Variants in EEA1 observed in about 807,000 individuals in gnomAD.
EEA1 encodes early endosome antigen 1, 162kD.
In EEA1, 111 loss-of-function variants were observed where a neutral mutation model predicts 209.2. The observed-to-expected ratio is 0.53, with a 90% confidence interval of 0.45 to 0.62. The LOEUF is 0.62. Among genes scored for constraint, EEA1 ranks in the 20% least tolerant of loss-of-function variants. The pLI is 0.00. For missense variants in EEA1, 1,343 were observed against 1,530.8 expected, an observed-to-expected ratio of 0.88 and a Z score of 2.05; for synonymous variants, 536 against 540.6, an observed-to-expected ratio of 0.99 and a Z score of 0.12.
intron 1 of EEA1, among the ~76,000 whole-genome samples, chr12:92,927,134 AT>A (rs2136794949): frequency 6.6e-6 from 1 of 152,256 alleles, no homozygotes; most frequent in East Asian, 1.9e-4. Flanking sequence ...ACCAGAGGCA[AT>A]TTTGCCCCTA....
intron 20 of EEA1, 54 bp downstream of exon 20, chr12:92,801,546 T>C: frequency 8.6e-7 from 1 of 1,166,034 alleles, no homozygotes; most frequent in Non-Finnish European, 1.2e-6. Flanking sequence ...TATTTGAAAA[T>C]ATAAAGACCT....
chr12:92,829,717 T>C (rs1281673070), intron 11 of EEA1, among the ~76,000 whole-genome samples: 2 of 147,576 alleles, frequency 1.4e-5, no homozygotes, highest in African/African-American at 5.1e-5. Flanking sequence ...AAATGGAGGT[T>C]GCAATGAGCC....
chr12:92,861,665 T>A (rs960254288), intron 3 of EEA1, among the ~76,000 whole-genome samples: 6 of 152,122 alleles, frequency 3.9e-5, no homozygotes, highest in Non-Finnish European at 5.9e-5. Context: ...AAGATAGCTC[T>A]ATCTACCTTG....
At chr12:92,788,101 C>T in intron 21 of EEA1, 52 bp from the exon 22 acceptor site, 3 of 1,397,566 alleles carry the variant, frequency 2.1e-6, no homozygotes, top group African/African-American at 1.5e-5. Flanking sequence ...AAACCAATTA[C>T]AAATATAAAG....
rs1230134027 is a variant in EEA1 at position 92,813,021 on chromosome 12, G to A, written c.2002C>T (p.His668Tyr). 23 of 1,600,536 alleles carry A rather than the reference G, an allele frequency of 1.4e-5. No homozygotes were observed. Among genetic ancestry groups the A allele is most frequent in the Non-Finnish European group, 1.9e-5 (22 of 1,170,728 alleles). The change falls in exon 16 of 29, where the codon CAT (histidine) becomes TAT (tyrosine). Residue 668 changes from histidine (H) to tyrosine (Y), a missense_variant. This residue lies in a region of EEA1 where 1,307 missense variants were observed against 1,465.5 expected (regional missense o/e 0.89). Coordinates refer to ENST00000322349, the MANE Select transcript of EEA1 (RefSeq NM_003566.4). ...AATGCATTTTGAGCTGTGTCCAAAT[G>A]ATTCTGAAGATCAGCTCTTTGAGCA... is the stretch of plus-strand genomic sequence containing the variant. ...KTAQRADLQNHLDTAQNALQD... is the reference protein window; with the variant it reads ...KTAQRADLQNYLDTAQNALQD...
chr12:92,879,560 G>T (rs1192922363), intron 2 of EEA1, among the ~76,000 whole-genome samples: 3 of 151,774 alleles, frequency 2.0e-5, no homozygotes, highest in Non-Finnish European at 4.4e-5. Context: ...GGAAAAGAAG[G>T]GAGAGAGGGA....
chr12:92,853,113 TG>T, intron 6 of EEA1, 88 bp from the exon 7 acceptor site: 1 of 857,746 alleles, frequency 1.2e-6, no homozygotes. Context: ...GTTGTAAAGA[TG>T]ATCAACTTAA....
At chr12:92,855,421 G>T (rs1877832632) in intron 5 of EEA1, among the ~76,000 whole-genome samples, 1 of 131,756 alleles carries the variant, frequency 7.6e-6, no homozygotes, top group African/African-American at 3.0e-5. Flanking sequence ...GACAGAGCGA[G>T]ACTCTGTCTC....
chr12:92,841,620 A>G (rs1264867850), intron 10 of EEA1, among the ~76,000 whole-genome samples: 1 of 152,040 alleles, frequency 6.6e-6, no homozygotes, highest in Non-Finnish European at 1.5e-5. Flanking sequence ...CAAGCACATT[A>G]AAAAATGTTC....
At chr12:92,900,453 A>G (rs1880100412) in intron 1 of EEA1, among the ~76,000 whole-genome samples, 1 of 151,588 alleles carries the variant, frequency 6.6e-6, no homozygotes, top group Admixed American at 6.6e-5. Context: ...TTTACATTTA[A>G]TGCCCACAAA....
intron 25 of EEA1, among the ~76,000 whole-genome samples, chr12:92,778,836 T>C (rs945404397): frequency 1.3e-5 from 2 of 152,092 alleles, no homozygotes; most frequent in African/African-American, 4.8e-5. Context: ...CAGATCTACG[T>C]AGTTGTGGGG....
At position 92,857,305 on chromosome 12, in the gene EEA1, T is replaced by C; in HGVS notation, c.336A>G (p.Glu112=). 6.3e-7 allele frequency: 1 copy of C among 1,591,964 alleles called. No homozygotes were observed. Among genetic ancestry groups the C allele is most frequent in the African/African-American group, 1.4e-5 (1 of 73,828 alleles). ...GCTGCAGCCCTTGATATTTTTCTAATTCCTTCTTTAATTCTTCCGAGTACC... is the reference window on the plus strand; with the variant it reads ...GCTGCAGCCCTTGATATTTTTCTAACTCCTTCTTTAATTCTTCCGAGTACC... The part of the protein sequence containing the change: ...EKWYSEELKK[E]LEKYQGLQQQ... The change falls in exon 5 of 29, where the codon GAA becomes GAG. Residue 112 remains glutamate (E), a synonymous_variant. Transcript: ENST00000322349.
At position 92,865,770 on chromosome 12, in the gene EEA1, G is replaced by A. The variant is rs961283518; in HGVS notation, c.118-783C>T. On this transcript the variant is annotated intron_variant, in intron 2 of 28. Coordinates refer to ENST00000322349, the MANE Select transcript of EEA1 (RefSeq NM_003566.4). ...TTTTATTTTATTTTATTTTGAGAAT[G>A]AGTCTCGCTCCGTCACCCAGGCTGA... is the stretch of plus-strand genomic sequence containing the variant. Among the ~76,000 whole-genome samples, 5 of 148,474 alleles carry A rather than the reference G, an allele frequency of 3.4e-5. No individual in the cohort carries two copies. In the South Asian group the frequency reaches 1.1e-3, roughly 31 times the overall value.
At chr12:92,843,316 G>A (rs1310567572) in intron 9 of EEA1, among the ~76,000 whole-genome samples, 3 of 151,856 alleles carry the variant, frequency 2.0e-5, no homozygotes, top group Non-Finnish European at 2.9e-5. Context: ...GTGCCATCAC[G>A]CCCAGCTAAT....
chr12:92,821,495 T>C (rs1876050067), intron 13 of EEA1, among the ~76,000 whole-genome samples: 1 of 152,174 alleles, frequency 6.6e-6, no homozygotes, highest in Admixed American at 6.5e-5. Flanking sequence ...CAATTCTCCA[T>C]TCCTTTACTT....
At position 92,782,010 on chromosome 12, in the gene EEA1, T is replaced by C. The variant is rs756136696; in HGVS notation, c.3276A>G (p.Ala1092=). 3 of 1,613,366 alleles carry C rather than the reference T, an allele frequency of 1.9e-6. No individual in the cohort carries two copies. Among genetic ancestry groups the C allele is most frequent in the Non-Finnish European group, 2.5e-6 (3 of 1,179,516 alleles). ...TAKATLEQDS[A]KKEQQLQERC... is the part of the protein sequence containing the mutation. ...GCTCCTGCAATTGCTGTTCTTTCTT[T>C]GCTGAATCCTGCTCCAATGTAGCCT... The change falls in exon 23 of 29, where the codon GCA becomes GCG. Residue 1092 remains alanine, a synonymous_variant. Coordinates refer to ENST00000322349, the MANE Select transcript of EEA1 (RefSeq NM_003566.4).
At chr12:92,826,737 G>T (rs1458767177) in intron 12 of EEA1, among the ~76,000 whole-genome samples, 2 of 136,704 alleles carry the variant, frequency 1.5e-5, no homozygotes, top group Non-Finnish European at 3.3e-5. Flanking sequence ...AAAAAGAAAA[G>T]AAAAAAAGCA....
intron 15 of EEA1, among the ~76,000 whole-genome samples, chr12:92,814,972 G>T (rs1261056477): frequency 3.3e-5 from 5 of 152,080 alleles, no homozygotes; most frequent in Admixed American, 2.6e-4. Flanking sequence ...AGCACTTTTG[G>T]TTGACATTCT....
intron 1 of EEA1, among the ~76,000 whole-genome samples, chr12:92,913,284 A>AATG (rs1880643898): frequency 6.6e-6 from 1 of 152,140 alleles, no homozygotes; most frequent in Admixed American, 6.5e-5. Flanking sequence ...TTTAATTTGC[A>AATG]TTTCTCTGAT....
Sources: allele counts gnomAD v4.1 joint callset (sites outside exome capture counted in the v4.1 genomes callset), GRCh38; gene constraint gnomAD v4.1.1; regional missense constraint gnomAD v4.1.1; transcripts MANE v1.5; gene names NCBI Gene and HGNC (gene_info 2026-07-23, HGNC 2026-07-21).